CNTNAP2: variants seen among roughly 807,000 people sequenced by gnomAD.
The protein encoded by CNTNAP2 is contactin-associated protein-like 2.
CNTNAP2 carries 98 observed loss-of-function variants against 155.2 expected under a neutral mutation model. That is an observed-to-expected ratio of 0.63 (90% CI 0.54 to 0.75). The LOEUF (loss-of-function observed/expected upper bound fraction) is 0.75. Ranked by LOEUF, CNTNAP2 falls within the 30% of genes least tolerant of loss-of-function variation. CNTNAP2 has a pLI of 0.00. For synonymous variants in CNTNAP2, 651 were observed against 631.2 expected, an observed-to-expected ratio of 1.03 and a Z score of -0.47; for missense variants, 1,727 against 1,688.1, an observed-to-expected ratio of 1.02 and a Z score of -0.40.
At chr7:147,453,611 A>G (rs1206347372) in intron 10 of CNTNAP2, among the ~76,000 whole-genome samples, 3 of 152,206 alleles carry the variant, frequency 2.0e-5, no homozygotes, top group Non-Finnish European at 4.4e-5. Flanking sequence ...AATTCAGATT[A>G]TTTAAGTGAC....
At chr7:148,099,322 T>C (rs1804045128) in intron 15 of CNTNAP2, among the ~76,000 whole-genome samples, 1 of 152,062 alleles carries the variant, frequency 6.6e-6, no homozygotes, top group Non-Finnish European at 1.5e-5. Context: ...CTACATTTAT[T>C]AATAACTCCA....
chr7:147,684,599 C>T (rs565893933), intron 13 of CNTNAP2, among the ~76,000 whole-genome samples: 11 of 151,852 alleles, frequency 7.2e-5, no homozygotes, highest in South Asian at 4.1e-4. Flanking sequence ...ATAGAATAAT[C>T]GTTGATGGCC....
intron 1 of CNTNAP2, among the ~76,000 whole-genome samples, chr7:146,584,724 G>A (rs575219883): frequency 5.3e-5 from 8 of 152,270 alleles, no homozygotes; most frequent in Admixed American, 1.3e-4. Flanking sequence ...TGGCCTGACC[G>A]TGCTCACTTC....
At chr7:147,106,079 G>A (rs1002931609) in intron 4 of CNTNAP2, among the ~76,000 whole-genome samples, 1 of 152,048 alleles carries the variant, frequency 6.6e-6, no homozygotes, top group Admixed American at 6.6e-5. Context: ...TAGAGGAGGT[G>A]ATTCTTGTTC....
intron 8 of CNTNAP2, among the ~76,000 whole-genome samples, chr7:147,243,093 T>G (rs182858520): frequency 2.4e-3 from 349 of 143,038 alleles, no homozygotes; most frequent in African/African-American, 8.4e-3. Flanking sequence ...CGTCTCCTGG[T>G]TTCAAGTGAT....
intron 1 of CNTNAP2, among the ~76,000 whole-genome samples, chr7:146,745,766 A>T (rs80082820): frequency 5.9e-5 from 7 of 118,316 alleles, no homozygotes; most frequent in Admixed American, 2.2e-4. Flanking sequence ...CTCCATCTGA[A>T]AAAAAAAAAA....
chr7:146,732,729 G>T (rs566374713), intron 1 of CNTNAP2, among the ~76,000 whole-genome samples: 1 of 151,900 alleles, frequency 6.6e-6, no homozygotes, highest in Non-Finnish European at 1.5e-5. Flanking sequence ...ATCCAAAATC[G>T]GATGCTTCAG....
intron 1 of CNTNAP2, among the ~76,000 whole-genome samples, chr7:146,118,010 A>AT (rs2116712873): frequency 6.6e-6 from 1 of 152,336 alleles, no homozygotes; most frequent in Admixed American, 6.5e-5. Flanking sequence ...AAAGTTTAAT[A>AT]TTTTCCAGAA....
At chr7:146,854,864 T>C (rs1374470998) in intron 3 of CNTNAP2, among the ~76,000 whole-genome samples, 10 of 152,150 alleles carry the variant, frequency 6.6e-5, no homozygotes, top group Non-Finnish European at 1.2e-4. Flanking sequence ...GATTTTGTGT[T>C]TGTTAGTATT....
At chr7:146,621,757 C>T (rs1272839604) in intron 1 of CNTNAP2, among the ~76,000 whole-genome samples, 1 of 152,132 alleles carries the variant, frequency 6.6e-6, no homozygotes. Flanking sequence ...GCAGTGCAGA[C>T]TCTTTCCATA....
intron 10 of CNTNAP2, among the ~76,000 whole-genome samples, chr7:147,415,895 C>A (rs955132516): frequency 6.6e-6 from 1 of 152,086 alleles, no homozygotes; most frequent in African/African-American, 2.4e-5. Context: ...TAAGTGTGAG[C>A]CCTCCTGTGG....
intron 21 of CNTNAP2, among the ~76,000 whole-genome samples, chr7:148,369,688 T>G (rs1314387243): frequency 6.7e-6 from 1 of 150,172 alleles, no homozygotes; most frequent in Non-Finnish European, 1.5e-5. Context: ...TTACTATTAC[T>G]GCTACATTCA....
At chr7:147,534,131 G>C (rs1487684605) in intron 11 of CNTNAP2, among the ~76,000 whole-genome samples, 1 of 152,154 alleles carries the variant, frequency 6.6e-6, no homozygotes, top group Non-Finnish European at 1.5e-5. Flanking sequence ...GAGTGATTTT[G>C]ACCCCCAGGT....
chr7:148,375,741 G>A (rs1798971804), intron 21 of CNTNAP2, among the ~76,000 whole-genome samples: 1 of 151,096 alleles, frequency 6.6e-6, no homozygotes, highest in South Asian at 2.1e-4. Flanking sequence ...ATGACACCAG[G>A]CCCAACACTT....
chr7:146,457,298 G>C (rs1796568246), intron 1 of CNTNAP2, among the ~76,000 whole-genome samples: 1 of 151,666 alleles, frequency 6.6e-6, no homozygotes, highest in Non-Finnish European at 1.5e-5. Context: ...ATAAACTATA[G>C]ATAGTTATGA....
At chr7:147,213,738 G>A (rs1803205938) in intron 8 of CNTNAP2, among the ~76,000 whole-genome samples, 1 of 152,106 alleles carries the variant, frequency 6.6e-6, no homozygotes, top group Non-Finnish European at 1.5e-5. Context: ...ACCCTGAGAT[G>A]CTGGCAGCAT....
rs574414107 is a variant in CNTNAP2 at position 147,951,559 on chromosome 7, G to A, written c.2256-26303G>A. Among the ~76,000 whole-genome samples the A allele has an allele frequency of 3.3e-5, 5 of 152,292 alleles. No homozygotes were observed. In the South Asian group the frequency reaches 1.0e-3, roughly 32 times the overall value. ...AAAATAGTCAGAAATGAACGTTGTGGTTTGGGAATATAAGCAGCTGAATTC... is the reference window on the plus strand; with the variant it reads ...AAAATAGTCAGAAATGAACGTTGTGATTTGGGAATATAAGCAGCTGAATTC... On this transcript the variant is annotated intron_variant, in intron 14 of 23. Transcript: ENST00000361727.
At chr7:146,572,270 T>C (rs2129146267) in intron 1 of CNTNAP2, among the ~76,000 whole-genome samples, 1 of 149,452 alleles carries the variant, frequency 6.7e-6, no homozygotes, top group Non-Finnish European at 1.5e-5. Flanking sequence ...TTGTCTTTTT[T>C]TTTTTTTTTT....
chr7:147,655,946 CA>C (rs1176705650), intron 13 of CNTNAP2, among the ~76,000 whole-genome samples: 1 of 152,240 alleles, frequency 6.6e-6, no homozygotes, highest in Non-Finnish European at 1.5e-5. Flanking sequence ...TAGCCACCTT[CA>C]TCAATTACCT....
Sources: gnomAD v4.1 joint callset for allele counts (sites outside exome capture counted in the v4.1 genomes callset) on GRCh38, gnomAD v4.1.1 for gene constraint, MANE v1.5 for transcripts, NCBI Gene and HGNC (gene_info 2026-07-23, HGNC 2026-07-21) for gene names.